Variants in MAP1LC3C observed in about 807,000 individuals in gnomAD.
MAP1LC3C encodes the protein microtubule-associated protein 1 light chain 3 gamma.
Under a neutral mutation model 10.4 loss-of-function variants are expected in MAP1LC3C, and 12 were observed. That is an observed-to-expected ratio of 1.15 (90% CI 0.74 to 1.86). The LOEUF (loss-of-function observed/expected upper bound fraction) is 1.86. Ranked by LOEUF, MAP1LC3C falls within the 40% of genes most tolerant of loss-of-function variation. MAP1LC3C has a pLI of 0.00. For missense variants in MAP1LC3C, 177 were observed against 185.7 expected (o/e 0.95, Z 0.27); for synonymous variants, 70 against 69.0 (o/e 1.01, Z -0.07).
upstream of MAP1LC3C, among the ~76,000 whole-genome samples, chr1:241,999,351 C>T (rs1299183415): frequency 2.0e-5 from 3 of 152,156 alleles, no homozygotes; most frequent in Non-Finnish European, 4.4e-5. Context: ...GTAAAACTGC[C>T]TTGTGCTGGG....
At chr1:241,999,670 G>T (rs951102231), upstream of MAP1LC3C, among the ~76,000 whole-genome samples, 1 of 152,112 alleles carries the variant, frequency 6.6e-6, no homozygotes, top group Non-Finnish European at 1.5e-5. Flanking sequence ...TTAGCCGGAC[G>T]TGGTGGCTGG....
rs748568860 is a variant in MAP1LC3C, at chr1:241,998,847, G to A, written c.59-16C>T. On this transcript the variant is annotated splice_polypyrimidine_tract_variant and intron_variant, in intron 1 of 3. Transcript: ENST00000357246. ...TGTCTGATTGCTGTGAATATTTCAA[G>A]CACAAGAGAAGAAGCAAAGATCAAG... 6.2e-7 allele frequency: 1 copy of A among 1,614,002 alleles called. No individual in the cohort carries two copies. Among genetic ancestry groups the A allele is most frequent in the South Asian group, 1.1e-5 (1 of 91,088 alleles).
At chr1:241,999,145 C>T, upstream of MAP1LC3C, 1 of 1,427,986 alleles carries the variant, frequency 7.0e-7, no homozygotes, top group Non-Finnish European at 9.1e-7. Flanking sequence ...TGAGTGACAT[C>T]AGGCCTCTCC....
chr1:241,998,018 A>ATTTTTTTTT (rs1558179174), intron 3 of MAP1LC3C, among the ~76,000 whole-genome samples: 40 of 89,330 alleles, frequency 4.5e-4, no homozygotes, highest in African/African-American at 5.7e-4. Context: ...AAATAGAGTA[A>ATTTTTTTTT]TTCTTTTTTT....
At chr1:241,996,476 C>A (rs920125524) in intron 3 of MAP1LC3C, 91 bp from the exon 4 acceptor site, 10 of 1,035,090 alleles carry the variant, frequency 9.7e-6, no homozygotes, top group Non-Finnish European at 1.3e-5. Flanking sequence ...TGAATTGCTC[C>A]CTTCTTCTTC....
chr1:241,998,924 C>T, intron 1 of MAP1LC3C, 27 bp downstream of exon 1: 1 of 1,611,486 alleles, frequency 6.2e-7, no homozygotes, highest in Non-Finnish European at 8.5e-7. Context: ...CTTTAGATAA[C>T]CCAGAAAGCT....
At position 241,998,021 on chromosome 1, in the gene MAP1LC3C, CTTTTT is replaced by C. The variant is rs58237405; in HGVS notation, c.221+488_221+492del. 1.6e-3 allele frequency among the ~76,000 whole-genome samples: 148 copies of C among 95,414 alleles called. 1 individual carries two copies. Among genetic ancestry groups the C allele is most frequent in the South Asian group, 3.3e-3 (9 of 2,762 alleles). The allele number at this position is 95,414 out of a possible 152,430, so 62.6% of individuals were successfully genotyped here. A position where few individuals can be genotyped will look rare whatever the true frequency, so the allele number is the denominator to read the frequency against. On this transcript the variant is annotated intron_variant, in intron 3 of 3. Transcript: ENST00000357246. ...CTTACCTGTTTAAAATAGAGTAATT[CTTTTT>C]TTTTTTTTTTTTTTTTTGAGACAGA...
chr1:241,998,933 C>G lies in MAP1LC3C; in HGVS notation c.58+18G>C. 6.2e-7 allele frequency: 1 copy of G among 1,610,760 alleles called. No individual in the cohort carries two copies. Among genetic ancestry groups the G allele is most frequent in the Non-Finnish European group, 8.5e-7 (1 of 1,179,292 alleles). Reference sequence around the variant, plus strand: ...TCCTCTCTTTAGATAACCCAGAAAGCTACCCCAAGAAATTTACCCAAGCTT... The same window carrying G: ...TCCTCTCTTTAGATAACCCAGAAAGGTACCCCAAGAAATTTACCCAAGCTT... On this transcript the variant is annotated intron_variant, in intron 1 of 3. Coordinates refer to ENST00000357246, the MANE Select transcript of MAP1LC3C (RefSeq NM_001004343.3).
Position 241,998,533 on chromosome 1 carries a change from G to C in MAP1LC3C, c.202C>G (p.Gln68Glu). Residue 68 changes from glutamine (Q) to glutamate (E), a missense_variant, in exon 3 of 4, where the codon CAG becomes GAG. Gln to Glu is a conservative substitution (Grantham distance 29). Coordinates refer to ENST00000357246, the MANE Select transcript of MAP1LC3C (RefSeq NM_001004343.3). ...FLVPQELTMT[Q>E]FLSIIRSRMV... ...ACCTACCGGATGATGCTGAGGAACT[G>C]GGTCATGGTCAGCTCCTGCGGGACC... 6.2e-7 allele frequency: 1 copy of C among 1,614,122 alleles called. No homozygotes were observed. The highest frequency in any genetic ancestry group is 8.5e-7 in the Non-Finnish European group (1 of 1,180,012).
Position 241,998,599 on chromosome 1 carries a change from T to C in MAP1LC3C, c.136A>G (p.Arg46Gly). Residue 46 changes from arginine (R) to glycine (G), a missense_variant, in exon 3 of 4, where the codon AGG becomes GGG. Arg to Gly is a moderately radical substitution (Grantham distance 125, BLOSUM62 -2). Transcript: ENST00000357246. The part of the protein sequence containing the change: ...KIPVVVERYP[R>G]ETFLPPLDKT... ...TCCAGCGGGGGCAGGAACGTCTCCC[T>C]GGGGTAGCGCTCCACTACCACCTGT... The C allele has an allele frequency of 6.2e-7, 1 of 1,612,006 alleles. No homozygotes were observed. Among genetic ancestry groups the C allele is most frequent in the Non-Finnish European group, 8.5e-7 (1 of 1,179,282 alleles).
upstream of MAP1LC3C, among the ~76,000 whole-genome samples, chr1:242,001,028 C>A (rs1331646499): frequency 6.6e-6 from 1 of 152,144 alleles, no homozygotes; most frequent in Non-Finnish European, 1.5e-5. Flanking sequence ...GTAATCCCAG[C>A]ACTTTGGGAG....
rs575144045 is a variant in MAP1LC3C at position 241,996,027 on chromosome 1, T to C, written c.*136A>G. On this transcript the variant is annotated 3_prime_UTR_variant, in exon 4 of 4. Transcript: ENST00000357246. ...ACTAAACTAGGAAGAGCCACCACTCTGCTGCCACTGGTTGGAGCTGATCAC... is the reference window on the plus strand; with the variant it reads ...ACTAAACTAGGAAGAGCCACCACTCCGCTGCCACTGGTTGGAGCTGATCAC... 30 of 671,236 alleles carry C rather than the reference T, an allele frequency of 4.5e-5. No individual in the cohort carries two copies. In the South Asian group the frequency reaches 7.3e-4, roughly 16 times the overall value. 41.6% of individuals were successfully genotyped at this position (671,236 alleles called of 1,614,324 possible).
chr1:242,000,583 G>A (rs1436365700), upstream of MAP1LC3C, among the ~76,000 whole-genome samples: 1 of 152,086 alleles, frequency 6.6e-6, no homozygotes, highest in East Asian at 1.9e-4. Context: ...GCTTCCCACA[G>A]CCCCCGCCTT....
chr1:241,998,235 C>A (rs1205710376), intron 3 of MAP1LC3C, among the ~76,000 whole-genome samples: 3 of 151,946 alleles, frequency 2.0e-5, no homozygotes, highest in Non-Finnish European at 4.4e-5. Context: ...GTTGGCCAGG[C>A]TGGTCTCAAA....
At chr1:242,001,379 G>A (rs779025439), upstream of MAP1LC3C, among the ~76,000 whole-genome samples, 5 of 151,982 alleles carry the variant, frequency 3.3e-5, no homozygotes, top group Admixed American at 6.6e-5. Flanking sequence ...TTTAGGAGGC[G>A]GAGGTGGGCA....
chr1:241,999,349 G>A (rs1345178013), upstream of MAP1LC3C, among the ~76,000 whole-genome samples: 2 of 152,172 alleles, frequency 1.3e-5, no homozygotes, highest in Non-Finnish European at 2.9e-5. Context: ...AGGTAAAACT[G>A]CCTTGTGCTG....
At position 241,995,990 on chromosome 1, in the gene MAP1LC3C, C is replaced by T. The variant is rs566594594; in HGVS notation, c.*173G>A. The T allele has an allele frequency of 9.4e-6, 5 of 533,516 alleles. No individual in the cohort carries two copies. Among genetic ancestry groups the T allele is most frequent in the South Asian group, 3.4e-5 (1 of 29,444 alleles). The allele number at this position is 533,516 out of a possible 1,614,324, so 33.0% of individuals were successfully genotyped here. On this transcript the variant is annotated 3_prime_UTR_variant, in exon 4 of 4. Coordinates refer to ENST00000357246, the MANE Select transcript of MAP1LC3C (RefSeq NM_001004343.3). ...TTTTTCTTAGAAGGACACAAGAACACGGAGCACAAAAACTAAACTAGGAAG... is the reference window on the plus strand; with the variant it reads ...TTTTTCTTAGAAGGACACAAGAACATGGAGCACAAAAACTAAACTAGGAAG...
In MAP1LC3C at chr1:241,996,014, A is replaced by C; in HGVS notation, c.*149T>G. The C allele has an allele frequency of 1.7e-6, 1 of 595,600 alleles. No homozygotes were observed. Among genetic ancestry groups the C allele is most frequent in the South Asian group, 3.0e-5 (1 of 33,770 alleles). The allele number at this position is 595,600 out of a possible 1,614,324, so 36.9% of individuals were successfully genotyped here. The stretch of plus-strand genomic sequence containing the variant: ...ACGGAGCACAAAAACTAAACTAGGA[A>C]GAGCCACCACTCTGCTGCCACTGGT... On this transcript the variant is annotated 3_prime_UTR_variant, in exon 4 of 4. Transcript: ENST00000357246.
At position 241,996,396 on chromosome 1, in the gene MAP1LC3C, C is replaced by G. The variant is rs1435539020; in HGVS notation, c.222-11G>C. 3 of 1,612,592 alleles carry G rather than the reference C, an allele frequency of 1.9e-6. No individual in the cohort carries two copies. In the Admixed American group the frequency reaches 5.0e-5, roughly 27 times the overall value. On this transcript the variant is annotated splice_polypyrimidine_tract_variant and intron_variant, in intron 3 of 3. Transcript: ENST00000357246. ...AGGACCATGCGGCTCCTGGGATGGG[C>G]AGGAGGGTGGTGAGGGTATGGCCTG...
Sources: gnomAD v4.1 joint callset for allele counts (sites outside exome capture counted in the v4.1 genomes callset) on GRCh38, gnomAD v4.1.1 for gene constraint, MANE v1.5 for transcripts, NCBI Gene and HGNC (gene_info 2026-07-23, HGNC 2026-07-21) for gene names.